Variants in RBFOX3 observed in about 807,000 individuals in gnomAD.
RBFOX3 encodes the protein RNA binding protein fox-1 homolog 3.
A neutral mutation model predicts 48.7 loss-of-function variants in RBFOX3; 17 were observed. The observed-to-expected ratio is 0.35, with a 90% CI of 0.24 to 0.52. The LOEUF (loss-of-function observed/expected upper bound fraction) is 0.52. RBFOX3 is among the 20% of genes least tolerant of loss of function. RBFOX3 has a pLI of 0.94. For synonymous variants in RBFOX3, 212 were observed against 209.5 expected (o/e 1.01, Z -0.10); for missense variants, 382 against 497.5 (o/e 0.77, Z 2.21).
At chr17:79,107,784 G>A (rs1243770565) in intron 5 of RBFOX3, among the ~76,000 whole-genome samples, 7 of 152,318 alleles carry the variant, frequency 4.6e-5, no homozygotes, top group Admixed American at 2.0e-4. Context: ...TGCCAGCCTC[G>A]CAGGCTGTTT....
At chr17:79,581,488 G>C (rs886215052) in intron 1 of RBFOX3, among the ~76,000 whole-genome samples, 1 of 152,236 alleles carries the variant, frequency 6.6e-6, no homozygotes, top group Admixed American at 6.5e-5. Context: ...GGGACTGTCA[G>C]AGTCGTTACG....
intron 2 of RBFOX3, among the ~76,000 whole-genome samples, chr17:79,380,776 GCCACCACACTTTCTAAACACCTCCAGCCT>G (rs1256141702): frequency 1.1e-4 from 17 of 152,050 alleles, no homozygotes; most frequent in East Asian, 5.8e-4. Flanking sequence ...CTGGTGCCCT[GCCACCACACTTTCTAAACACCTCCAGCCT>G]CCACCACACT....
chr17:79,618,915 C>T, the RBFOX3 span, among the ~76,000 whole-genome samples: 4 of 152,068 alleles, frequency 2.6e-5, no homozygotes, highest in Admixed American at 6.5e-5. Context: ...CAGAGGAAGC[C>T]GGGAAATGGA....
chr17:79,359,863 C>T (rs1169217790), intron 2 of RBFOX3, among the ~76,000 whole-genome samples: 3 of 152,002 alleles, frequency 2.0e-5, no homozygotes, highest in African/African-American at 7.3e-5. Context: ...GCAGCAAGGA[C>T]TACAGGTGCA....
chr17:79,332,504 G>C (rs1243114947), intron 2 of RBFOX3, among the ~76,000 whole-genome samples: 1 of 142,806 alleles, frequency 7.0e-6, no homozygotes, highest in Non-Finnish European at 1.5e-5. Flanking sequence ...GGGGTGCAGA[G>C]GGGAGGGGAG....
At chr17:79,143,388 G>A (rs577042169) in intron 4 of RBFOX3, among the ~76,000 whole-genome samples, 1 of 134,502 alleles carries the variant, frequency 7.4e-6, no homozygotes, top group East Asian at 2.4e-4. Context: ...GGTGGGGGGG[G>A]GTTCTATAAA....
intron 4 of RBFOX3, among the ~76,000 whole-genome samples, chr17:79,202,398 C>G (rs902035427): frequency 6.6e-6 from 1 of 152,150 alleles, no homozygotes; most frequent in Admixed American, 6.5e-5. Context: ...TCTGTGCTCA[C>G]GGCAGACCAC....
Position 79,250,931 on chromosome 17 carries a change from C to T in RBFOX3, c.-73-15126G>A, listed in dbSNP as rs372421369. 2.0e-5 allele frequency among the ~76,000 whole-genome samples: 3 copies of T among 152,078 alleles called. No homozygotes were observed. In the South Asian group the frequency reaches 6.2e-4, roughly 32 times the overall value. ...CCAAGCAATTCTCCTACCTCAGCCT[C>T]CTGAGTAGCTGGGATTACATGTACG... On this transcript the variant is annotated intron_variant, in intron 3 of 14. Transcript: ENST00000693108.
chr17:79,318,881 G>A (rs112844033), intron 2 of RBFOX3, among the ~76,000 whole-genome samples: 2,145 of 74,354 alleles, frequency 0.029, 22 homozygotes, highest in Middle Eastern at 0.061. Flanking sequence ...AAAAAAAAAA[G>A]GGATGGAGGG....
chr17:79,620,254 TGC>T, the RBFOX3 span, among the ~76,000 whole-genome samples: 2 of 123,174 alleles, frequency 1.6e-5, no homozygotes, highest in Admixed American at 1.6e-4. Context: ...CATACGCACA[TGC>T]ACACACACGT....
At position 79,482,382 on chromosome 17, in the gene RBFOX3, G is replaced by C. The variant is rs1049031018; in HGVS notation, c.-175+72C>G. ...ACCCTTGCTGGAAAATCAAATCACC[G>C]CATTAAAACGTATTTCCTCCACAAA... On this transcript the variant is annotated intron_variant, in intron 2 of 14. Transcript: ENST00000693108. This position sits in a 1 kb window ranked among gnomAD's most constrained non-coding sequence, Gnocchi z 4.1. 5.9e-5 allele frequency: 9 copies of C among 152,184 alleles called. No homozygotes were observed. Among genetic ancestry groups the C allele is most frequent in the Non-Finnish European group, 1.2e-4 (8 of 68,080 alleles). The allele number at this position is 152,184 out of a possible 1,614,324, so 9.4% of individuals were successfully genotyped here.
At chr17:79,255,890 G>C (rs2064753303) in intron 3 of RBFOX3, among the ~76,000 whole-genome samples, 1 of 151,256 alleles carries the variant, frequency 6.6e-6, no homozygotes, top group Admixed American at 6.6e-5. Context: ...TGGGACTCCT[G>C]TCTTCTGCTT....
chr17:79,128,135 T>C (rs1030632997), intron 4 of RBFOX3, among the ~76,000 whole-genome samples: 8 of 152,210 alleles, frequency 5.3e-5, no homozygotes, highest in African/African-American at 1.9e-4. Context: ...ATTGGCTAAA[T>C]TGGAGATGCA....
intron 1 of RBFOX3, among the ~76,000 whole-genome samples, chr17:79,519,483 C>T (rs2085745516): frequency 7.9e-5 from 12 of 152,230 alleles, no homozygotes; most frequent in Non-Finnish European, 1.5e-5. Flanking sequence ...GAGGAGGCCA[C>T]AGCCCTGCTT....
At chr17:79,397,498 A>AT (rs1031316895) in intron 2 of RBFOX3, among the ~76,000 whole-genome samples, 2 of 150,324 alleles carry the variant, frequency 1.3e-5, no homozygotes, top group African/African-American at 2.4e-5. Flanking sequence ...ATCCCCAAAA[A>AT]AAAAAAAAAA....
At chr17:79,567,170 TTCTTTC>T (rs2092486554) in intron 1 of RBFOX3, among the ~76,000 whole-genome samples, 1 of 144,868 alleles carries the variant, frequency 6.9e-6, no homozygotes, top group Non-Finnish European at 1.5e-5. Context: ...TTTTTTTTCT[TTCTTTC>T]TTTCTTTTTT....
At chr17:79,410,321 C>G (rs895187259) in intron 2 of RBFOX3, among the ~76,000 whole-genome samples, 3 of 152,222 alleles carry the variant, frequency 2.0e-5, no homozygotes, top group South Asian at 2.1e-4. Flanking sequence ...GGCTGGTTCT[C>G]GTCTCCGTGC....
the RBFOX3 span, among the ~76,000 whole-genome samples, chr17:79,621,749 T>C: frequency 6.6e-6 from 1 of 152,208 alleles, no homozygotes; most frequent in Non-Finnish European, 1.5e-5. Context: ...ATGCAGCCTC[T>C]ATGGGAAGCT....
rs541646986 is a variant in RBFOX3 at position 79,471,301 on chromosome 17, C to T, written c.-175+11153G>A. 3.3e-5 allele frequency among the ~76,000 whole-genome samples: 5 copies of T among 152,134 alleles called. No individual in the cohort carries two copies. Among genetic ancestry groups the T allele is most frequent in the South Asian group, 2.1e-4 (1 of 4,820 alleles). On this transcript the variant is annotated intron_variant, in intron 2 of 14. Transcript: ENST00000693108. The surrounding 1 kb of genome is among the most constrained non-coding windows in gnomAD (Gnocchi z 4.0). ...GCCAGGGTGCGACGCTTGGGGTATT[C>T]GCAGGGAAATGAGGGCAAAGCATTT...
Sources: gnomAD v4.1 joint callset for allele counts (sites outside exome capture counted in the v4.1 genomes callset) on GRCh38, gnomAD v4.1.1 for gene constraint, Gnocchi (gnomAD v3.1) non-coding constraint, MANE v1.5 for transcripts, NCBI Gene and HGNC (gene_info 2026-07-23, HGNC 2026-07-21) for gene names.